KCNH1: variants seen among roughly 807,000 people sequenced by gnomAD.
The protein encoded by KCNH1 is voltage-gated delayed rectifier potassium channel KCNH1.
KCNH1 carries 27 observed loss-of-function variants against 69.2 expected under a neutral mutation model. The ratio of observed to expected loss-of-function variants is 0.39; its 90% CI spans 0.29 to 0.54. KCNH1 has a LOEUF of 0.54. Among genes scored for constraint, KCNH1 ranks in the 20% least tolerant of loss-of-function variants. The pLI is 0.68. For missense variants in KCNH1, 798 were observed against 1,261.6 expected, an observed-to-expected ratio of 0.63 and a Z score of 5.57; for synonymous variants, 456 against 487.7, an observed-to-expected ratio of 0.93 and a Z score of 0.86.
chr1:210,932,420 C>A (rs1200046490), intron 6 of KCNH1, among the ~76,000 whole-genome samples: 6 of 151,908 alleles, frequency 3.9e-5, no homozygotes, highest in African/African-American at 1.5e-4. Flanking sequence ...AACCACCAAA[C>A]CAAAAAGATA....
chr1:210,861,436 AAC>A, intron 7 of KCNH1: 1 of 776,632 alleles, frequency 1.3e-6, no homozygotes, highest in Non-Finnish European at 2.4e-6. Flanking sequence ...ACTCCTAGGA[AAC>A]ACTGCCAGAG....
intron 7 of KCNH1, among the ~76,000 whole-genome samples, chr1:210,830,783 A>G (rs1685142954): frequency 6.6e-6 from 1 of 152,168 alleles, no homozygotes; most frequent in Admixed American, 6.5e-5. Flanking sequence ...TTGGAGGGAC[A>G]CAATCCTAAC....
intron 10 of KCNH1, among the ~76,000 whole-genome samples, chr1:210,720,294 T>A (rs138273756): frequency 0.017 from 2,605 of 152,312 alleles, 35 homozygotes; most frequent in Middle Eastern, 0.034. Flanking sequence ...GAGGACTTCA[T>A]TGCATTATTT....
chr1:210,976,722 G>T (rs1452111688), intron 6 of KCNH1, among the ~76,000 whole-genome samples: 1 of 150,042 alleles, frequency 6.7e-6, no homozygotes, highest in Non-Finnish European at 1.5e-5. Flanking sequence ...GTCAATGACA[G>T]ACTGGATTAA....
At chr1:211,017,989 A>C (rs563844592) in intron 6 of KCNH1, among the ~76,000 whole-genome samples, 1 of 151,918 alleles carries the variant, frequency 6.6e-6, no homozygotes, top group African/African-American at 2.4e-5. Flanking sequence ...GTGGATTCTC[A>C]CTCCATTAGT....
At chr1:211,062,985 C>A (rs1478132192) in intron 5 of KCNH1, among the ~76,000 whole-genome samples, 2 of 152,170 alleles carry the variant, frequency 1.3e-5, no homozygotes, top group Non-Finnish European at 2.9e-5. Flanking sequence ...TAAATCAGTA[C>A]ATCAAAGAGA....
At chr1:210,710,069 G>GC (rs1332931646) in intron 10 of KCNH1, among the ~76,000 whole-genome samples, 1 of 152,174 alleles carries the variant, frequency 6.6e-6, no homozygotes, top group Non-Finnish European at 1.5e-5. Flanking sequence ...AGATGGGATG[G>GC]CCCACTATAC....
chr1:211,001,263 A>T (rs1689172972), intron 6 of KCNH1, among the ~76,000 whole-genome samples: 1 of 152,252 alleles, frequency 6.6e-6, no homozygotes, highest in South Asian at 2.1e-4. Flanking sequence ...CAATCTACTC[A>T]TCTGACAAAG....
At chr1:211,087,131 T>A (rs1690966639) in intron 4 of KCNH1, among the ~76,000 whole-genome samples, 1 of 152,150 alleles carries the variant, frequency 6.6e-6, no homozygotes, top group Non-Finnish European at 1.5e-5. Context: ...AACATGAAGA[T>A]ACATGGAGAA....
intron 7 of KCNH1, among the ~76,000 whole-genome samples, chr1:210,916,873 C>A (rs1475074677): frequency 6.6e-6 from 1 of 151,980 alleles, no homozygotes; most frequent in South Asian, 2.1e-4. Context: ...ATGGGCTGGG[C>A]GCAGTGGCTC....
chr1:210,984,965 T>C (rs1318774870), intron 6 of KCNH1, among the ~76,000 whole-genome samples: 1 of 152,194 alleles, frequency 6.6e-6, no homozygotes, highest in Non-Finnish European at 1.5e-5. Flanking sequence ...TTTCAGAGCC[T>C]GTTATTGGTC....
chr1:210,697,761 T>A (rs1466173695), intron 10 of KCNH1, among the ~76,000 whole-genome samples: 18 of 152,328 alleles, frequency 1.2e-4, no homozygotes. Flanking sequence ...ATGTGGAGCA[T>A]GGCCATGCAG....
chr1:210,889,821 G>C (rs911082099), intron 7 of KCNH1, among the ~76,000 whole-genome samples: 4 of 152,016 alleles, frequency 2.6e-5, no homozygotes, highest in Admixed American at 1.3e-4. Context: ...AAATACCTAG[G>C]AATACAACTT....
At chr1:210,999,183 T>G (rs1362562713) in intron 6 of KCNH1, among the ~76,000 whole-genome samples, 4 of 151,658 alleles carry the variant, frequency 2.6e-5, no homozygotes, top group Admixed American at 6.6e-5. Flanking sequence ...CTGAAGGAAA[T>G]AGAGACACAA....
chr1:210,817,538 G>T (rs567606450), intron 7 of KCNH1, among the ~76,000 whole-genome samples: 1 of 152,264 alleles, frequency 6.6e-6, no homozygotes, highest in East Asian at 1.9e-4. Flanking sequence ...AGTAACAGAT[G>T]GAAGAAAACA....
chr1:210,744,404 G>GGCGGATCACGAGGTCA (rs1683101001), intron 10 of KCNH1, among the ~76,000 whole-genome samples: 1 of 152,176 alleles, frequency 6.6e-6, no homozygotes, highest in African/African-American at 2.4e-5. Context: ...CCAGCACTTT[G>GGCGGATCACGAGGTCA]GGAGACCTAG....
chr1:210,907,880 A>G (rs1385143291), intron 7 of KCNH1, among the ~76,000 whole-genome samples: 1 of 152,216 alleles, frequency 6.6e-6, no homozygotes, highest in Non-Finnish European at 1.5e-5. Flanking sequence ...TTTACCCCTT[A>G]AGCCATAAGT....
At chr1:210,722,835 A>G (rs1190156773) in intron 10 of KCNH1, among the ~76,000 whole-genome samples, 2 of 152,200 alleles carry the variant, frequency 1.3e-5, no homozygotes, top group Non-Finnish European at 2.9e-5. Flanking sequence ...AATTCAATTT[A>G]TATAATGGGT....
intron 5 of KCNH1, 67 bp from the exon 6 acceptor site, chr1:211,019,323 G>A (rs953225408): frequency 1.6e-5 from 16 of 1,003,300 alleles, no homozygotes; most frequent in Middle Eastern, 5.1e-4. Flanking sequence ...TAACCAGTCA[G>A]CATCAGTGAT....
Sources: allele counts gnomAD v4.1 joint callset (sites outside exome capture counted in the v4.1 genomes callset), GRCh38; gene constraint gnomAD v4.1.1; transcripts MANE v1.5; gene names NCBI Gene and HGNC (gene_info 2026-07-23, HGNC 2026-07-21).